Variants in WWOX observed in about 807,000 individuals in gnomAD.
The protein encoded by WWOX is WW domain-containing oxidoreductase.
In WWOX, 69 loss-of-function variants were observed where a neutral mutation model predicts 46.2. The ratio of observed to expected loss-of-function variants is 1.49; its 90% CI spans 1.23 to 1.82. The LOEUF is 1.82. Ranked by LOEUF, WWOX falls within the 40% of genes most tolerant of loss-of-function variation. The pLI, the probability that WWOX is intolerant of heterozygous loss-of-function variation, is 0.00. For synonymous variants in WWOX, 359 were observed against 202.6 expected (o/e 1.77, Z -6.56); for missense variants, 919 against 542.6 (o/e 1.69, Z -6.89).
chr16:78,964,519 G>T (rs1006407857), intron 8 of WWOX, among the ~76,000 whole-genome samples: 1 of 152,224 alleles, frequency 6.6e-6, no homozygotes, highest in Non-Finnish European at 1.5e-5. Context: ...CATTCAAGAG[G>T]TGACTTGGGT....
chr16:78,927,248 A>G (rs1210215227), intron 8 of WWOX, among the ~76,000 whole-genome samples: 1 of 152,162 alleles, frequency 6.6e-6, no homozygotes, highest in African/African-American at 2.4e-5. Flanking sequence ...TTACTTATCC[A>G]TTTAGTCCGA....
At chr16:78,410,771 ACTCCAGC>A (rs1207459504) in intron 6 of WWOX, among the ~76,000 whole-genome samples, 1 of 144,644 alleles carries the variant, frequency 6.9e-6, no homozygotes, top group Non-Finnish European at 1.5e-5. Flanking sequence ...ACACCACTGC[ACTCCAGC>A]CTGGGTGAAA....
chr16:78,488,123 T>C (rs982959551), intron 8 of WWOX, among the ~76,000 whole-genome samples: 3 of 152,160 alleles, frequency 2.0e-5, no homozygotes, highest in African/African-American at 7.2e-5. Context: ...AACTTGGTAA[T>C]GTAGATTTTG....
intron 5 of WWOX, among the ~76,000 whole-genome samples, chr16:78,176,653 C>T (rs960262506): frequency 2.0e-5 from 3 of 152,018 alleles, no homozygotes; most frequent in Non-Finnish European, 4.4e-5. Context: ...AGATTTATGA[C>T]TCTGGGAAAA....
intron 8 of WWOX, among the ~76,000 whole-genome samples, chr16:78,950,853 G>A (rs7198076): frequency 5.3e-5 from 8 of 152,078 alleles, no homozygotes; most frequent in African/African-American, 1.4e-4. Context: ...GGCTCTGATT[G>A]TCTCTTCTTA....
chr16:79,131,307 A>C (rs1254513946), intron 8 of WWOX, among the ~76,000 whole-genome samples: 1 of 152,154 alleles, frequency 6.6e-6, no homozygotes, highest in Non-Finnish European at 1.5e-5. Context: ...TGGATCCTTG[A>C]GTGAGTTATG....
At chr16:78,532,063 GT>G (rs568382825) in intron 8 of WWOX, among the ~76,000 whole-genome samples, 2,447 of 141,076 alleles carry the variant, frequency 0.017, 36 homozygotes, top group African/African-American at 0.034. Context: ...GGAGTAGGGA[GT>G]TTTTTTTTTT....
At chr16:78,426,553 A>C (rs1447919646) in intron 7 of WWOX, among the ~76,000 whole-genome samples, 1 of 152,192 alleles carries the variant, frequency 6.6e-6, no homozygotes, top group Non-Finnish European at 1.5e-5. Context: ...AATTAGACCT[A>C]TGTTAGTTTA....
intron 8 of WWOX, among the ~76,000 whole-genome samples, chr16:78,933,647 C>T (rs745780171): frequency 1.3e-5 from 2 of 152,100 alleles, no homozygotes; most frequent in African/African-American, 2.4e-5. Context: ...CTTACAGTTC[C>T]ATGTGGCTGG....
At chr16:79,080,917 G>T (rs1329375903) in intron 8 of WWOX, among the ~76,000 whole-genome samples, 2 of 152,164 alleles carry the variant, frequency 1.3e-5, no homozygotes, top group Admixed American at 1.3e-4. Context: ...CTTAAATTAA[G>T]ATAATAATTT....
intron 6 of WWOX, among the ~76,000 whole-genome samples, chr16:78,415,818 C>G (rs558761941): frequency 6.6e-6 from 1 of 152,236 alleles, no homozygotes; most frequent in East Asian, 1.9e-4. Context: ...TGACAACCCC[C>G]GCCCCCACCA....
At chr16:78,851,894 T>G (rs758750650) in intron 8 of WWOX, among the ~76,000 whole-genome samples, 2 of 152,164 alleles carry the variant, frequency 1.3e-5, no homozygotes, top group Non-Finnish European at 2.9e-5. Context: ...ATGAAATAAT[T>G]TCATTTAAAC....
At chr16:78,967,395 C>A (rs1309282643) in intron 8 of WWOX, among the ~76,000 whole-genome samples, 1 of 150,052 alleles carries the variant, frequency 6.7e-6, no homozygotes, top group Non-Finnish European at 1.5e-5. Context: ...GCTTTCCACC[C>A]ACCTCAGCCT....
At chr16:78,630,557 C>T (rs1416293772) in intron 8 of WWOX, among the ~76,000 whole-genome samples, 1 of 152,142 alleles carries the variant, frequency 6.6e-6, no homozygotes, top group Non-Finnish European at 1.5e-5. Flanking sequence ...CAGCTCATTT[C>T]TGGGGGACTA....
chr16:78,747,813 C>T (rs2049383848), intron 8 of WWOX, among the ~76,000 whole-genome samples: 1 of 152,162 alleles, frequency 6.6e-6, no homozygotes, highest in Admixed American at 6.5e-5. Flanking sequence ...GAGTTTAGTC[C>T]TACCTCTGTC....
intron 8 of WWOX, among the ~76,000 whole-genome samples, chr16:78,918,775 C>G (rs1037447774): frequency 1.3e-5 from 2 of 152,174 alleles, no homozygotes; most frequent in Non-Finnish European, 1.5e-5. Flanking sequence ...TCGGAGGAGT[C>G]AAGTTACTTG....
intron 8 of WWOX, chr16:78,897,175 C>T (rs1055312707): frequency 7.8e-6 from 1 of 128,146 alleles, no homozygotes; most frequent in Non-Finnish European, 1.6e-5. Flanking sequence ...GCCTGGGAGG[C>T]AGAGGTTGCA....
intron 8 of WWOX, among the ~76,000 whole-genome samples, chr16:79,008,028 G>C (rs775943464): frequency 6.6e-6 from 1 of 152,222 alleles, no homozygotes. Context: ...TTCAGGCTGG[G>C]ACTTCTGCTC....
intron 5 of WWOX, among the ~76,000 whole-genome samples, chr16:78,174,464 C>A (rs1176462180): frequency 6.6e-6 from 1 of 151,940 alleles, no homozygotes; most frequent in Non-Finnish European, 1.5e-5. Flanking sequence ...GGGGCGCAGC[C>A]AAACCATATC....
Sources: allele counts gnomAD v4.1 joint callset (sites outside exome capture counted in the v4.1 genomes callset), GRCh38; gene constraint gnomAD v4.1.1; transcripts MANE v1.5; gene names NCBI Gene and HGNC (gene_info 2026-07-23, HGNC 2026-07-21).